ANKRD30BL: variants seen among roughly 807,000 people sequenced by gnomAD.
ANKRD30BL encodes the protein ankyrin repeat domain 30B like.
Under a neutral mutation model 18.4 loss-of-function variants are expected in ANKRD30BL, and 20 were observed. The observed-to-expected ratio is 1.09, with a 90% CI of 0.77 to 1.58. The LOEUF is 1.58. Ranked by LOEUF, ANKRD30BL falls within the 40% of genes most tolerant of loss-of-function variation. The pLI is 0.00. For missense variants in ANKRD30BL, 224 were observed against 268.6 expected (o/e 0.83, Z 1.16); for synonymous variants, 72 against 100.9 (o/e 0.71, Z 1.72).
intron 1 of ANKRD30BL, among the ~76,000 whole-genome samples, chr2:132,193,552 G>A (rs1453396654): frequency 6.6e-6 from 1 of 151,942 alleles, no homozygotes; most frequent in East Asian, 1.9e-4. Flanking sequence ...GCAGAAGTGG[G>A]TCCATGACCA....
At position 132,230,439 on chromosome 2, in the gene ANKRD30BL, A is replaced by G. The variant is rs537666319; in HGVS notation, n.441+27090T>C. Among the ~76,000 whole-genome samples the G allele has an allele frequency of 1.2e-4, 19 of 152,200 alleles. No individual in the cohort carries two copies. The South Asian group carries it at 3.5e-3, about 28-fold the overall frequency. ...GTATTATATGCAAGTGGACAAATGG[A>G]GCGCTTTGAGGGCTATGGTTGAAAA... On this transcript the variant is annotated intron_variant and non_coding_transcript_variant, in intron 1 of 4. Coordinates refer to the ANKRD30BL transcript ENST00000470729.
chr2:132,217,975 T>C (rs1479211908), intron 1 of ANKRD30BL, among the ~76,000 whole-genome samples: 3 of 151,698 alleles, frequency 2.0e-5, no homozygotes, highest in African/African-American at 7.3e-5. Context: ...AGAAGCATTC[T>C]CAGAAACTTT....
intron 1 of ANKRD30BL, among the ~76,000 whole-genome samples, chr2:132,207,380 A>C (rs1220497993): frequency 6.6e-6 from 1 of 151,972 alleles, no homozygotes; most frequent in Non-Finnish European, 1.5e-5. Context: ...TCTTTGGTTT[A>C]GGTGAGCATT....
In ANKRD30BL at chr2:132,220,415, C is replaced by A. The variant is rs558478551; in HGVS notation, n.441+37114G>T. Among the ~76,000 whole-genome samples, 17 of 151,266 alleles carry A rather than the reference C, an allele frequency of 1.1e-4. No homozygotes were observed. The East Asian group carries it at 3.4e-3, about 30-fold the overall frequency. On this transcript the variant is annotated intron_variant and non_coding_transcript_variant, in intron 1 of 4. Transcript: ENST00000470729. ...TCCACGGTCTCCCTCTGATGCCGAG[C>A]CAAAGCTGGACTGTACTGCTGCGAT...
chr2:132,203,517 T>A (rs1404367756), intron 1 of ANKRD30BL, among the ~76,000 whole-genome samples: 1 of 152,038 alleles, frequency 6.6e-6, no homozygotes, highest in African/African-American at 2.4e-5. Context: ...AACAAGAAAA[T>A]CTAATGCTGT....
chr2:132,177,456 C>A (rs998002747), intron 1 of ANKRD30BL, among the ~76,000 whole-genome samples: 1 of 152,046 alleles, frequency 6.6e-6, no homozygotes, highest in African/African-American at 2.4e-5. Flanking sequence ...CCAGTTGTGC[C>A]TATATTTTTA....
At chr2:132,153,220 T>A (rs559627670) in intron 4 of ANKRD30BL, among the ~76,000 whole-genome samples, 1 of 152,296 alleles carries the variant, frequency 6.6e-6, no homozygotes, top group South Asian at 2.1e-4. Context: ...CAGATTCTTT[T>A]AAAAAATTCA....
intron 1 of ANKRD30BL, among the ~76,000 whole-genome samples, chr2:132,249,693 C>T (rs75764277): frequency 4.0e-5 from 6 of 150,106 alleles, no homozygotes; most frequent in East Asian, 2.0e-4. Flanking sequence ...ATCCCTTTGC[C>T]GATTCTACAA....
intron 1 of ANKRD30BL, among the ~76,000 whole-genome samples, chr2:132,194,051 TCTCTCA>T (rs60895594): frequency 0.12 from 17,267 of 139,508 alleles, 1,741 homozygotes; most frequent in African/African-American, 0.31. Context: ...TCTCTCTCTC[TCTCTCA>T]CACACACACA....
chr2:132,203,143 G>A (rs1290779400), intron 1 of ANKRD30BL, among the ~76,000 whole-genome samples: 3 of 152,304 alleles, frequency 2.0e-5, no homozygotes, highest in Non-Finnish European at 4.4e-5. Context: ...GGCAGGTGGA[G>A]GAAAATATGT....
chr2:132,221,834 C>T (rs1270848907), intron 1 of ANKRD30BL, among the ~76,000 whole-genome samples: 2 of 123,488 alleles, frequency 1.6e-5, no homozygotes, highest in African/African-American at 3.8e-5. Flanking sequence ...GGTCAGCCCC[C>T]CGCCCGGCCA....
chr2:132,254,823 C>CG (rs760840901), intron 1 of ANKRD30BL, among the ~76,000 whole-genome samples: 51 of 152,302 alleles, frequency 3.3e-4, no homozygotes, highest in Non-Finnish European at 5.3e-4. Context: ...GCCAGAGTCT[C>CG]GTTCGTTATT....
chr2:132,248,024 G>T (rs555988821), intron 1 of ANKRD30BL, among the ~76,000 whole-genome samples: 4 of 152,030 alleles, frequency 2.6e-5, no homozygotes, highest in African/African-American at 9.6e-5. Flanking sequence ...AAAAAGAAAG[G>T]TTCAACTCTG....
chr2:132,233,769 C>T (rs539776475), intron 1 of ANKRD30BL, among the ~76,000 whole-genome samples: 4,779 of 147,352 alleles, frequency 0.032, 273 homozygotes, highest in African/African-American at 0.11. Flanking sequence ...CAACATTAGA[C>T]AGATCAACGA....
chr2:132,167,200 T>A (rs1688201068), intron 1 of ANKRD30BL, among the ~76,000 whole-genome samples: 1 of 151,788 alleles, frequency 6.6e-6, no homozygotes, highest in Non-Finnish European at 1.5e-5. Context: ...ATGCAGTGTG[T>A]CTTGTACAAG....
chr2:132,231,303 T>G lies in ANKRD30BL; in HGVS notation n.441+26226A>C, dbSNP rs549714090. Among the ~76,000 whole-genome samples the G allele has an allele frequency of 2.4e-3, 367 of 152,314 alleles. 7 individuals are homozygous for G. The highest frequency in any genetic ancestry group is 5.7e-4 in the Non-Finnish European group (39 of 68,020). Reference sequence around the variant, plus strand: ...GGATATTTGGACCGCTTTGAGGCCTTCATTGAAAACGGGAATGTCGAAGGG... The same window carrying G: ...GGATATTTGGACCGCTTTGAGGCCTGCATTGAAAACGGGAATGTCGAAGGG... On this transcript the variant is annotated intron_variant and non_coding_transcript_variant, in intron 1 of 4. Coordinates refer to the ANKRD30BL transcript ENST00000470729.
intron 1 of ANKRD30BL, chr2:132,256,860 G>T (rs796502446): frequency 9.3e-6 from 4 of 429,568 alleles, no homozygotes; most frequent in Middle Eastern, 7.2e-4. Context: ...GCGGTGAGCC[G>T]CTCGGGGAGA....
At chr2:132,197,666 T>C (rs1304236435) in intron 1 of ANKRD30BL, among the ~76,000 whole-genome samples, 1 of 151,830 alleles carries the variant, frequency 6.6e-6, no homozygotes, top group Non-Finnish European at 1.5e-5. Flanking sequence ...TTCCAAAAAG[T>C]AGATTATTTA....
At chr2:132,207,298 A>G (rs2104753302) in intron 1 of ANKRD30BL, among the ~76,000 whole-genome samples, 1 of 152,270 alleles carries the variant, frequency 6.6e-6, no homozygotes, top group Non-Finnish European at 1.5e-5. Context: ...CAGGAGATAA[A>G]CAAGTGTTTG....
Sources: allele counts gnomAD v4.1 joint callset (sites outside exome capture counted in the v4.1 genomes callset), GRCh38; gene constraint gnomAD v4.1.1; transcripts MANE v1.5; gene names NCBI Gene and HGNC (gene_info 2026-07-23, HGNC 2026-07-21).